The following TMEM163 variants were observed in gnomAD, a reference collection of about 807,000 sequenced individuals.
The protein encoded by TMEM163 is transmembrane protein 163.
TMEM163 carries 17 observed loss-of-function variants against 29.3 expected under a neutral mutation model. The observed-to-expected ratio is 0.58, with a 90% CI of 0.40 to 0.87. The LOEUF (loss-of-function observed/expected upper bound fraction) is 0.87, where lower values mean the gene tolerates loss of function less well. Among genes scored for constraint, TMEM163 ranks in the 40% least tolerant of loss-of-function variants. The pLI is 0.00. For synonymous variants in TMEM163, 157 were observed against 160.6 expected, an observed-to-expected ratio of 0.98 and a Z score of 0.17; for missense variants, 303 against 381.5, an observed-to-expected ratio of 0.79 and a Z score of 1.71.
At chr2:134,633,794 T>G (rs1217838974) in intron 2 of TMEM163, among the ~76,000 whole-genome samples, 1 of 151,564 alleles carries the variant, frequency 6.6e-6, no homozygotes, top group Non-Finnish European at 1.5e-5. Flanking sequence ...AAACCTTGTC[T>G]CTACTAAAAA....
At chr2:134,458,432 G>A (rs1686450951) in intron 6 of TMEM163, 4 of 483,540 alleles carry the variant, frequency 8.3e-6, no homozygotes, top group Non-Finnish European at 1.5e-5. Flanking sequence ...GCCATATGTG[G>A]TTTATAGCTG....
At chr2:134,647,855 C>T (rs73958774) in intron 2 of TMEM163, among the ~76,000 whole-genome samples, 1,610 of 152,276 alleles carry the variant, frequency 0.011, 25 homozygotes, top group African/African-American at 0.035. Context: ...CCAGGGCAAG[C>T]GCTTTTGGAT....
chr2:134,516,643 T>TTATATTCATACA (rs1384733626), intron 4 of TMEM163, among the ~76,000 whole-genome samples: 1 of 147,588 alleles, frequency 6.8e-6, no homozygotes, highest in African/African-American at 2.5e-5. Context: ...ATATTCATAC[T>TTATATTCATACA]TATATTCATA....
intron 2 of TMEM163, among the ~76,000 whole-genome samples, chr2:134,677,361 G>GA (rs1684138065): frequency 6.6e-6 from 1 of 152,096 alleles, no homozygotes; most frequent in South Asian, 2.1e-4. Flanking sequence ...AAAGACTACA[G>GA]AAAAAAGCTT....
intron 2 of TMEM163, among the ~76,000 whole-genome samples, chr2:134,587,996 G>A (rs1178683310): frequency 6.6e-6 from 1 of 152,214 alleles, no homozygotes; most frequent in African/African-American, 2.4e-5. Context: ...CAGAAGGCCA[G>A]AGAAAATGTA....
In TMEM163 at chr2:134,460,320, G is replaced by A. The variant is rs11884051; in HGVS notation, c.668-2147C>T. On this transcript the variant is annotated intron_variant, in intron 6 of 7. Coordinates refer to ENST00000281924, the MANE Select transcript of TMEM163 (RefSeq NM_030923.5). This position sits in a 1 kb window ranked among gnomAD's most constrained non-coding sequence, Gnocchi z 4.3. ...CCACTGGGCTTGTCACCATCACCCA[G>A]GGCCTCCCTCCCAGCCCTGTCCTCA... 0.069 allele frequency among the ~76,000 whole-genome samples: 10,522 copies of A among 151,814 alleles called. 563 individuals are homozygous for A. The highest frequency in any genetic ancestry group is 0.15 in the African/African-American group (6,138 of 41,364).
chr2:134,516,682 T>G (rs1215455257), intron 4 of TMEM163, among the ~76,000 whole-genome samples: 1 of 131,166 alleles, frequency 7.6e-6, no homozygotes, highest in African/African-American at 2.6e-5. Flanking sequence ...GTCATACATA[T>G]ATGCATATAT....
At chr2:134,569,950 A>G (rs1681383188) in intron 2 of TMEM163, among the ~76,000 whole-genome samples, 1 of 152,160 alleles carries the variant, frequency 6.6e-6, no homozygotes, top group Admixed American at 6.5e-5. Flanking sequence ...AATCCACACC[A>G]TAGACACTCC....
At position 134,482,268 on chromosome 2, in the gene TMEM163, C is replaced by A. The variant is rs142699862; in HGVS notation, c.556-16043G>T. Among the ~76,000 whole-genome samples, 96 of 152,258 alleles carry A rather than the reference C, an allele frequency of 6.3e-4. 1 individual carries two copies. In the East Asian group the frequency reaches 0.018, roughly 29 times the overall value. ...TGCTTTTCTGCAGGGCCAGTTGTCA[C>A]CTCCCACTTTAAGCTTATTCCTCAT... On this transcript the variant is annotated intron_variant, in intron 5 of 7. Transcript: ENST00000281924.
intron 4 of TMEM163, among the ~76,000 whole-genome samples, chr2:134,515,105 G>A (rs1442570018): frequency 8.5e-5 from 13 of 152,244 alleles, no homozygotes; most frequent in Admixed American, 4.6e-4. Context: ...TCAGCAACGC[G>A]ATACTTGGAA....
chr2:134,458,274 G>A lies in TMEM163; in HGVS notation c.668-101C>T, dbSNP rs2106470965. 4 of 1,422,338 alleles carry A rather than the reference G, an allele frequency of 2.8e-6. No individual in the cohort carries two copies. In the South Asian group the frequency reaches 5.1e-5, roughly 18 times the overall value. 88.1% of individuals were successfully genotyped at this position (1,422,338 alleles called of 1,614,324 possible). On this transcript the variant is annotated intron_variant, in intron 6 of 7. Coordinates refer to ENST00000281924, the MANE Select transcript of TMEM163 (RefSeq NM_030923.5). ...TCCACGTAACTGGAGCATGTGCTGG[G>A]AGGAATGATGCCCAAAGCTCTCACG...
chr2:134,548,778 C>T (rs1224439542), intron 4 of TMEM163, among the ~76,000 whole-genome samples: 5 of 152,106 alleles, frequency 3.3e-5, no homozygotes, highest in African/African-American at 1.2e-4. Context: ...TCGTATACAC[C>T]TTGTACACAT....
intron 4 of TMEM163, among the ~76,000 whole-genome samples, chr2:134,542,484 T>C (rs920963641): frequency 7.2e-5 from 11 of 152,204 alleles, no homozygotes; most frequent in Admixed American, 3.9e-4. Context: ...GGCCACAGAC[T>C]GTCACCTGCT....
intron 2 of TMEM163, among the ~76,000 whole-genome samples, chr2:134,676,462 A>G (rs758464094): frequency 2.6e-5 from 4 of 152,322 alleles, no homozygotes; most frequent in Non-Finnish European, 5.9e-5. Context: ...ATATAGATAT[A>G]TATATAAATA....
chr2:134,542,515 G>A lies in TMEM163; in HGVS notation c.458+8055C>T, dbSNP rs189177485. On this transcript the variant is annotated intron_variant, in intron 4 of 7. Coordinates refer to ENST00000281924, the MANE Select transcript of TMEM163 (RefSeq NM_030923.5). The stretch of plus-strand genomic sequence containing the variant: ...CTGCTTTATCTGTATTTATAGCCAC[G>A]CCCCGTCACTCGCATTACCGCCTGG... 3.7e-3 allele frequency among the ~76,000 whole-genome samples: 564 copies of A among 152,242 alleles called. 3 individuals are homozygous for A. Among genetic ancestry groups the A allele is most frequent in the South Asian group, 0.02 (96 of 4,816 alleles).
chr2:134,717,503 A>C (rs1685061524), intron 1 of TMEM163, among the ~76,000 whole-genome samples: 1 of 152,302 alleles, frequency 6.6e-6, no homozygotes, highest in Admixed American at 6.5e-5. Flanking sequence ...TTCACATGCT[A>C]CAGTTTAGAA....
chr2:134,583,435 T>C (rs562486660), intron 2 of TMEM163, among the ~76,000 whole-genome samples: 4 of 152,298 alleles, frequency 2.6e-5, no homozygotes, highest in African/African-American at 9.6e-5. Context: ...GACGGCAATC[T>C]AAGAAGAGGC....
intron 2 of TMEM163, among the ~76,000 whole-genome samples, chr2:134,605,764 G>C (rs1350001850): frequency 6.6e-6 from 1 of 152,062 alleles, no homozygotes; most frequent in African/African-American, 2.4e-5. Context: ...GAAAAGAAAA[G>C]ATGTGACACT....
intron 2 of TMEM163, among the ~76,000 whole-genome samples, chr2:134,588,177 G>A (rs1279019937): frequency 6.6e-6 from 1 of 152,226 alleles, no homozygotes; most frequent in Non-Finnish European, 1.5e-5. Flanking sequence ...TCCTGGTAGA[G>A]CTGTGAGCAG....
Sources: allele counts gnomAD v4.1 joint callset (sites outside exome capture counted in the v4.1 genomes callset), GRCh38; gene constraint gnomAD v4.1.1; non-coding constraint Gnocchi (gnomAD v3.1); transcripts MANE v1.5; gene names NCBI Gene and HGNC (gene_info 2026-07-23, HGNC 2026-07-21).